ZNF254: variants seen among roughly 807,000 people sequenced by gnomAD.
ZNF254 encodes the protein CTD-2017D11.1.
A neutral mutation model predicts 12.4 loss-of-function variants in ZNF254; 10 were observed. That is an observed-to-expected ratio of 0.80 (90% CI 0.50 to 1.36). The LOEUF is 1.36. ZNF254 is among the 40% of genes most tolerant of loss of function. The pLI is 0.00. For missense variants in ZNF254, 996 were observed against 763.9 expected (o/e 1.30, Z -3.58); for synonymous variants, 305 against 253.4 (o/e 1.20, Z -1.93).
chr19:24,079,043 T>G (rs1338771814), intron 2 of ZNF254: 1 of 152,156 alleles, frequency 6.6e-6, no homozygotes, highest in African/African-American at 2.4e-5. Flanking sequence ...CAGGAAAAAT[T>G]GCCTCTAACG....
intron 3 of ZNF254, among the ~76,000 whole-genome samples, chr19:24,117,556 T>G (rs1042064602): frequency 2.0e-5 from 3 of 152,124 alleles, no homozygotes; most frequent in African/African-American, 7.2e-5. Flanking sequence ...AAAAGCGCAG[T>G]ATTAGGGTGG....
rs976764579 is a variant in ZNF254 at position 24,127,887 on chromosome 19, C to T, written c.1887C>T (p.Pro629=). 1.2e-6 allele frequency: 2 copies of T among 1,612,572 alleles called. No homozygotes were observed. Among genetic ancestry groups the T allele is most frequent in the Non-Finnish European group, 1.7e-6 (2 of 1,179,520 alleles). The change falls in exon 4 of 4, where the codon CCC becomes CCT. Residue 629 remains proline (P), a synonymous_variant. Coordinates refer to ENST00000357002, the MANE Select transcript of ZNF254 (RefSeq NM_203282.4). ...AGAGAATTCATACTGGAGAGCAACC[C>T]TACAAATGGGAAAAATTTGGCAAAG... ...KHKRIHTGEQ[P]YKWEKFGKAF...
chr19:24,126,168 G>T, intron 3 of ZNF254, 86 bp from the exon 4 acceptor site: 1 of 930,460 alleles, frequency 1.1e-6, no homozygotes, highest in Non-Finnish European at 1.5e-6. Context: ...TATGTAGTTT[G>T]TATAATTTTA....
chr19:24,111,395 T>A (rs995405942), intron 3 of ZNF254, among the ~76,000 whole-genome samples: 20 of 152,196 alleles, frequency 1.3e-4, no homozygotes, highest in African/African-American at 2.2e-4. Flanking sequence ...CTATTGTGAA[T>A]ACTGCCACAA....
In ZNF254 at chr19:24,127,931, AC is replaced by A. The variant is rs747592920; in HGVS notation, c.1933del (p.Leu645SerfsTer6). ...KFGKAFNRSS[H>X]LTTDKITHWR... ...GGCAAAGCCTTTAATCGGTCCTCGC[AC>A]CTCACCACAGATAAGATAACTCATT... On this transcript the variant is annotated frameshift_variant, in exon 4 of 4. Coordinates refer to ENST00000357002, the MANE Select transcript of ZNF254 (RefSeq NM_203282.4). LOFTEE classifies it low-confidence loss of function (END_TRUNC). 5.0e-6 allele frequency: 8 copies of A among 1,598,950 alleles called. No individual in the cohort carries two copies. The African/African-American group carries it at 6.7e-5, about 13-fold the overall frequency.
At chr19:24,091,188 G>T (rs1007630541) in intron 1 of ZNF254, among the ~76,000 whole-genome samples, 1 of 151,470 alleles carries the variant, frequency 6.6e-6, no homozygotes, top group Non-Finnish European at 1.5e-5. Context: ...CGGGTGATCC[G>T]CCCGCCTGGG....
rs1012223984 is a variant in ZNF254 at position 24,093,300 on chromosome 19, G to C, written c.30+5963G>C. ...TGAAGAAGCTCTTTAGTTTAATTAG[G>C]TCCAATTTGTCAATTTTTGGTTTTT... On this transcript the variant is annotated intron_variant, in intron 1 of 3. Coordinates refer to ENST00000357002, the MANE Select transcript of ZNF254 (RefSeq NM_203282.4). Among the ~76,000 whole-genome samples, 3 of 151,878 alleles carry C rather than the reference G, an allele frequency of 2.0e-5. 1 individual carries two copies. The highest frequency in any genetic ancestry group is 4.4e-5 in the Non-Finnish European group (3 of 67,968).
chr19:24,063,779 T>C (rs1971166665), intron 2 of ZNF254: 1 of 147,236 alleles, frequency 6.8e-6, no homozygotes, highest in Admixed American at 6.9e-5. Context: ...AAGGTGATGT[T>C]ACTTTTTTTT....
intron 2 of ZNF254, among the ~76,000 whole-genome samples, chr19:24,077,511 A>G (rs578229875): frequency 6.6e-6 from 1 of 152,332 alleles, no homozygotes; most frequent in African/African-American, 2.4e-5. Context: ...TTTCACTTCA[A>G]TGGAAGATGG....
At position 24,088,509 on chromosome 19, in the gene ZNF254, C is replaced by G. The variant is rs976993470; in HGVS notation, c.30+1172C>G. ...CACCCCTCATCCCCTATTCCTCCAG[C>G]CTAACTCTGGCTTGCAGGAAAATAC... On this transcript the variant is annotated intron_variant, in intron 1 of 3. Coordinates refer to ENST00000357002, the MANE Select transcript of ZNF254 (RefSeq NM_203282.4). Among the ~76,000 whole-genome samples, 3 of 152,076 alleles carry G rather than the reference C, an allele frequency of 2.0e-5. No homozygotes were observed. In the East Asian group the frequency reaches 5.8e-4, roughly 29 times the overall value.
intron 1 of ZNF254, among the ~76,000 whole-genome samples, chr19:24,090,904 AG>A (rs1972333012): frequency 6.8e-6 from 1 of 146,596 alleles, no homozygotes; most frequent in African/African-American, 2.5e-5. Flanking sequence ...GAGTGAGTTT[AG>A]GAAGTTTCTC....
chr19:24,070,599 G>A (rs994379960), intron 2 of ZNF254, among the ~76,000 whole-genome samples: 1 of 152,150 alleles, frequency 6.6e-6, no homozygotes, highest in Non-Finnish European at 1.5e-5. Context: ...TCTGCACTTA[G>A]ACCCAACCTC....
chr19:24,103,075 C>G (rs1003383161), intron 1 of ZNF254, among the ~76,000 whole-genome samples: 3 of 152,216 alleles, frequency 2.0e-5, no homozygotes, highest in African/African-American at 7.2e-5. Flanking sequence ...TGCATTAATA[C>G]ATGTGCACAT....
At chr19:24,057,080 CTT>C (rs1171455023) in intron 2 of ZNF254, among the ~76,000 whole-genome samples, 2 of 152,270 alleles carry the variant, frequency 1.3e-5, no homozygotes, top group East Asian at 1.9e-4. Context: ...TCACTCTTCT[CTT>C]TTTAGGAAGG....
intron 2 of ZNF254, among the ~76,000 whole-genome samples, chr19:24,076,643 T>A (rs773676500): frequency 1.3e-5 from 2 of 152,000 alleles, no homozygotes; most frequent in South Asian, 2.1e-4. Context: ...ATGAAAAAAA[T>A]TTATTTGAAT....
intron 2 of ZNF254, among the ~76,000 whole-genome samples, chr19:24,077,316 C>T (rs1397370551): frequency 6.6e-6 from 1 of 152,200 alleles, no homozygotes; most frequent in Admixed American, 6.5e-5. Context: ...CACCTGTCAT[C>T]AGGACCTCCT....
intron 2 of ZNF254, among the ~76,000 whole-genome samples, chr19:24,071,502 A>C (rs1458297275): frequency 6.6e-6 from 1 of 152,158 alleles, no homozygotes; most frequent in Non-Finnish European, 1.5e-5. Flanking sequence ...TAACTAGGTG[A>C]AGGGCCTAGG....
intron 2 of ZNF254, among the ~76,000 whole-genome samples, chr19:24,072,172 A>ATT (rs879680429): frequency 1.4e-5 from 2 of 138,302 alleles, no homozygotes; most frequent in Admixed American, 7.2e-5. Context: ...TTTCTTTTTC[A>ATT]TTTTTTTTTT....
At chr19:24,108,060 G>C (rs1973448321) in intron 3 of ZNF254, among the ~76,000 whole-genome samples, 1 of 152,200 alleles carries the variant, frequency 6.6e-6, no homozygotes, top group Non-Finnish European at 1.5e-5. Context: ...TTTATATCAG[G>C]ATGTGGATGA....
Sources: gnomAD v4.1 joint callset for allele counts (sites outside exome capture counted in the v4.1 genomes callset) on GRCh38, gnomAD v4.1.1 for gene constraint, MANE v1.5 for transcripts, NCBI Gene and HGNC (gene_info 2026-07-23, HGNC 2026-07-21) for gene names.